The following PLA2G6 variants were observed in gnomAD, a reference collection of about 807,000 sequenced individuals.
The protein encoded by PLA2G6 is 85/88 kDa calcium-independent phospholipase A2.
A neutral mutation model predicts 83.8 loss-of-function variants in PLA2G6; 62 were observed. The observed-to-expected ratio is 0.74, with a 90% CI of 0.60 to 0.91. The LOEUF is 0.91. Ranked by LOEUF, PLA2G6 falls within the 40% of genes least tolerant of loss-of-function variation. The pLI is 0.00. For synonymous variants in PLA2G6, 417 were observed against 449.8 expected (o/e 0.93, Z 0.92); for missense variants, 944 against 1,102.0 (o/e 0.86, Z 2.03).
intron 12 of PLA2G6, among the ~76,000 whole-genome samples, chr22:38,118,046 AAAAAG>A (rs1194306118): frequency 2.0e-5 from 3 of 152,178 alleles, no homozygotes; most frequent in African/African-American, 7.2e-5. Context: ...AAAAAAAAAA[AAAAAG>A]AAAGAAATAA....
chr22:38,135,135 C>A (rs746306677), intron 5 of PLA2G6, 51 bp from the exon 6 acceptor site: 2 of 1,299,052 alleles, frequency 1.5e-6, no homozygotes, highest in African/African-American at 1.5e-5. Context: ...GTCTGCGTGG[C>A]GTGGGATGAA....
intron 6 of PLA2G6, chr22:38,134,608 A>AT (rs1292627541): frequency 4.3e-6 from 1 of 233,316 alleles, no homozygotes; most frequent in African/African-American, 2.2e-5. Flanking sequence ...CTCTATATAT[A>AT]TATCTCCTGT....
chr22:38,177,082 TC>T (rs1275540828), intron 1 of PLA2G6, among the ~76,000 whole-genome samples: 2 of 150,792 alleles, frequency 1.3e-5, no homozygotes, highest in African/African-American at 4.9e-5. Context: ...GCAATCATTC[TC>T]CCTGTTTGGC....
intron 11 of PLA2G6, among the ~76,000 whole-genome samples, chr22:38,122,280 T>C (rs1462038552): frequency 6.6e-6 from 1 of 151,780 alleles, no homozygotes; most frequent in East Asian, 1.9e-4. Context: ...CTGGAGAAAA[T>C]GGAATCTGAC....
At chr22:38,142,774 TC>T in intron 4 of PLA2G6, 3 of 403,016 alleles carry the variant, frequency 7.4e-6, no homozygotes, top group South Asian at 6.5e-5. Context: ...CACGAGCCCC[TC>T]CAGGCAGGCA....
rs374008379 is a variant in PLA2G6 at position 38,153,097 on chromosome 22, G to T, written c.210-7444C>A. Among the ~76,000 whole-genome samples, 79 of 152,288 alleles carry T rather than the reference G, an allele frequency of 5.2e-4. No homozygotes were observed. The South Asian group carries it at 0.013, about 26-fold the overall frequency. On this transcript the variant is annotated intron_variant, in intron 2 of 16. Transcript: ENST00000332509. ...ATCTTGATTGTGGTGGTGGTTACAT[G>T]GGGGTGTTCTGTTATCAAATGAAGG... is the stretch of plus-strand genomic sequence containing the variant.
rs376089103 is a variant in PLA2G6 at position 38,112,240 on chromosome 22, G to C, written c.2342C>G (p.Ala781Gly). The part of the protein sequence containing the change: ...DEVSDTVLVN[A>G]LWETEVYIYE... Reference sequence around the variant, plus strand: ...GATGTAGACCTCGGTCTCCCAGAGGGCGTTGACCAGCACTGTGTCACTGAC... The same window carrying C: ...GATGTAGACCTCGGTCTCCCAGAGGCCGTTGACCAGCACTGTGTCACTGAC... The change falls in exon 17 of 17, where the codon GCC (alanine) becomes GGC (glycine). Residue 781 changes from alanine (A) to glycine (G), a missense_variant. Ala to Gly is a moderately conservative substitution (Grantham distance 60). Coordinates refer to ENST00000332509, the MANE Select transcript of PLA2G6 (RefSeq NM_003560.4). 3.1e-6 allele frequency: 5 copies of C among 1,612,840 alleles called. No homozygotes were observed. The African/African-American group carries it at 6.7e-5, about 22-fold the overall frequency.
chr22:38,142,639 T>C (rs1238359775), intron 4 of PLA2G6: 1 of 248,978 alleles, frequency 4.0e-6, no homozygotes, highest in Admixed American at 5.1e-5. Flanking sequence ...ATGGATCTCA[T>C]AATGTTTTAA....
intron 2 of PLA2G6, chr22:38,163,313 C>T (rs1203221815): frequency 6.2e-6 from 1 of 160,724 alleles, no homozygotes; most frequent in Non-Finnish European, 1.5e-5. Context: ...TAAGGTCTAT[C>T]TCTACCCCAG....
intron 2 of PLA2G6, among the ~76,000 whole-genome samples, chr22:38,155,195 C>G (rs1394937540): frequency 3.3e-5 from 5 of 151,656 alleles, no homozygotes; most frequent in Admixed American, 6.6e-5. Flanking sequence ...CCACTGCACT[C>G]CAGCCTGGGC....
chr22:38,169,908 C>T (rs2090369925), intron 1 of PLA2G6, among the ~76,000 whole-genome samples: 1 of 152,160 alleles, frequency 6.6e-6, no homozygotes, highest in Non-Finnish European at 1.5e-5. Flanking sequence ...CTCAAAGAGG[C>T]TAGTATGGAC....
At chr22:38,133,865 T>TC in intron 6 of PLA2G6, 1 of 151,564 alleles carries the variant, frequency 6.6e-6, no homozygotes, top group Non-Finnish European at 1.5e-5. Context: ...ACCACCATCA[T>TC]CATCCATCAT....
At chr22:38,164,159 A>G (rs973042178) in intron 2 of PLA2G6, among the ~76,000 whole-genome samples, 1 of 152,172 alleles carries the variant, frequency 6.6e-6, no homozygotes, top group African/African-American at 2.4e-5. Flanking sequence ...ACACAGGCAT[A>G]TTACAAGTGA....
intron 10 of PLA2G6, among the ~76,000 whole-genome samples, chr22:38,125,169 C>T (rs886436687): frequency 2.0e-5 from 3 of 152,064 alleles, no homozygotes; most frequent in East Asian, 3.9e-4. Context: ...CATGTGCATG[C>T]ATGCATGTGT....
chr22:38,112,521 G>A lies in PLA2G6; in HGVS notation c.2259C>T (p.Val753=), dbSNP rs749966284. ...GCCCTCACCTGAAGTACTGGATGCCGACCATCTCGCACCAGGCCCGTGCCC... is the reference window on the plus strand; with the variant it reads ...GCCCTCACCTGAAGTACTGGATGCCAACCATCTCGCACCAGGCCCGTGCCC... The part of the protein sequence containing the change: ...VDRARAWCEM[V]GIQYFRLNPQ... Residue 753 remains valine (V), a synonymous_variant, in exon 16 of 17, where the codon GTC becomes GTT. Transcript: ENST00000332509. 195 of 1,555,858 alleles carry A rather than the reference G, an allele frequency of 1.3e-4. No homozygotes were observed. Among genetic ancestry groups the A allele is most frequent in the Non-Finnish European group, 1.6e-4 (179 of 1,150,944 alleles).
chr22:38,178,459 GCTA>G (rs1191922091), intron 1 of PLA2G6, among the ~76,000 whole-genome samples: 1 of 152,108 alleles, frequency 6.6e-6, no homozygotes, highest in Non-Finnish European at 1.5e-5. Flanking sequence ...GTAAGTCCCA[GCTA>G]CTAAGGTGGC....
chr22:38,173,481 G>C (rs2090513601), intron 1 of PLA2G6, among the ~76,000 whole-genome samples: 1 of 152,076 alleles, frequency 6.6e-6, no homozygotes, highest in Non-Finnish European at 1.5e-5. Flanking sequence ...AATTCTGCCT[G>C]TCCAAGCCAG....
chr22:38,133,047 C>T, intron 6 of PLA2G6, 34 bp from the exon 7 acceptor site: 1 of 1,542,738 alleles, frequency 6.5e-7, no homozygotes, highest in East Asian at 2.4e-5. Flanking sequence ...TTAGCACAGG[C>T]ACTCGGGGAG....
chr22:38,146,152 C>G lies in PLA2G6; in HGVS notation c.210-499G>C, dbSNP rs567049964. On this transcript the variant is annotated intron_variant, in intron 2 of 16. Coordinates refer to ENST00000332509, the MANE Select transcript of PLA2G6 (RefSeq NM_003560.4). Reference sequence around the variant, plus strand: ...CCGGGTTCAAGCAATTCTCCTACCTCAGTCTCCAGAGTAGCTGGGATTAAA... The same window carrying G: ...CCGGGTTCAAGCAATTCTCCTACCTGAGTCTCCAGAGTAGCTGGGATTAAA... 4.1e-5 allele frequency: 8 copies of G among 197,520 alleles called. No homozygotes were observed. The East Asian group carries it at 9.6e-4, about 24-fold the overall frequency. The allele number at this position is 197,520 out of a possible 1,614,324, so 12.2% of individuals were successfully genotyped here. A position where few individuals can be genotyped will look rare whatever the true frequency, so the allele number is the denominator to read the frequency against.
Sources: allele counts gnomAD v4.1 joint callset (sites outside exome capture counted in the v4.1 genomes callset), GRCh38; gene constraint gnomAD v4.1.1; transcripts MANE v1.5; gene names NCBI Gene and HGNC (gene_info 2026-07-23, HGNC 2026-07-21).